Variants in L3MBTL4 observed in about 807,000 individuals in gnomAD.
The protein encoded by L3MBTL4 is L3MBTL histone methyl-lysine binding protein 4, also known as lethal(3)malignant brain tumor-like protein 4.
In L3MBTL4, 70 loss-of-function variants were observed where a neutral mutation model predicts 84.5. The ratio of observed to expected loss-of-function variants is 0.83; its 90% CI spans 0.68 to 1.01. The LOEUF (loss-of-function observed/expected upper bound fraction) is 1.01. L3MBTL4 is among the 50% of genes least tolerant of loss of function. The pLI is 0.00. For synonymous variants in L3MBTL4, 274 were observed against 259.8 expected (o/e 1.05, Z -0.52); for missense variants, 715 against 754.8 (o/e 0.95, Z 0.62).
chr18:6,317,168 A>G (rs1205603517), intron 1 of L3MBTL4, among the ~76,000 whole-genome samples: 1 of 152,136 alleles, frequency 6.6e-6, no homozygotes, highest in Non-Finnish European at 1.5e-5. Flanking sequence ...AAGATTCACT[A>G]TAACCAAGGA....
chr18:5,964,450 G>A (rs1172222606), intron 17 of L3MBTL4, among the ~76,000 whole-genome samples: 2 of 152,062 alleles, frequency 1.3e-5, no homozygotes, highest in African/African-American at 2.4e-5. Flanking sequence ...CTGGCTAATC[G>A]TCCACTGGGG....
intron 1 of L3MBTL4, among the ~76,000 whole-genome samples, chr18:6,368,285 TG>T (rs1384169622): frequency 6.6e-6 from 1 of 151,916 alleles, no homozygotes; most frequent in Non-Finnish European, 1.5e-5. Context: ...TAAAAATACT[TG>T]GGGTGCGAGC....
intron 5 of L3MBTL4, among the ~76,000 whole-genome samples, chr18:6,258,053 AC>A (rs2048230818): frequency 6.6e-6 from 1 of 152,234 alleles, no homozygotes; most frequent in African/African-American, 2.4e-5. Flanking sequence ...GATGCAGAGC[AC>A]AGGTGCAGGA....
intron 1 of L3MBTL4, among the ~76,000 whole-genome samples, chr18:6,365,611 T>A (rs1195353926): frequency 1.3e-5 from 2 of 152,094 alleles, no homozygotes; most frequent in Non-Finnish European, 2.9e-5. Context: ...ACATTCCAGA[T>A]AAGAAAAACA....
intron 1 of L3MBTL4, among the ~76,000 whole-genome samples, chr18:6,322,916 G>A (rs2051503509): frequency 6.6e-6 from 1 of 152,160 alleles, no homozygotes; most frequent in African/African-American, 2.4e-5. Context: ...TGTTGGAGGT[G>A]GGGCCTTGTG....
intron 16 of L3MBTL4, among the ~76,000 whole-genome samples, chr18:6,011,483 G>A (rs967418433): frequency 1.3e-5 from 2 of 152,136 alleles, no homozygotes; most frequent in Non-Finnish European, 2.9e-5. Flanking sequence ...TCAGTCTGTG[G>A]TATTAATCGA....
chr18:5,996,424 G>A (rs536868658), intron 16 of L3MBTL4, among the ~76,000 whole-genome samples: 5 of 152,274 alleles, frequency 3.3e-5, no homozygotes, highest in Admixed American at 6.5e-5. Flanking sequence ...TGAGCTGTAC[G>A]TTTTTGTTTT....
At chr18:6,090,599 CACA>C (rs1568102188) in intron 15 of L3MBTL4, among the ~76,000 whole-genome samples, 1 of 135,268 alleles carries the variant, frequency 7.4e-6, no homozygotes, top group African/African-American at 3.4e-5. Context: ...TATATACACA[CACA>C]CACACACACA....
rs532268834 is a variant in L3MBTL4, at chr18:5,966,932, CT to C, written c.1614+2460del. Among the ~76,000 whole-genome samples, 592 of 152,304 alleles carry C rather than the reference CT, an allele frequency of 3.9e-3. 8 individuals carry two copies. The highest frequency in any genetic ancestry group is 0.013 in the African/African-American group (547 of 41,556). On this transcript the variant is annotated intron_variant, in intron 17 of 18. Transcript: ENST00000317931. The stretch of plus-strand genomic sequence containing the variant: ...TACCTCCCTGTGCTACTGCCTGTGC[CT>C]TTGAAATGTCTATTGAATCTGAGTT...
intron 16 of L3MBTL4, among the ~76,000 whole-genome samples, chr18:5,976,305 G>A (rs865773860): frequency 6.6e-6 from 1 of 152,174 alleles, no homozygotes; most frequent in Non-Finnish European, 1.5e-5. Context: ...AGAATATGTC[G>A]TCAAAACTAA....
At chr18:6,150,356 A>G (rs534536736) in intron 13 of L3MBTL4, among the ~76,000 whole-genome samples, 2 of 152,208 alleles carry the variant, frequency 1.3e-5, no homozygotes, top group African/African-American at 2.4e-5. Flanking sequence ...GGCCACATTA[A>G]AAGTTCTCAT....
chr18:6,144,859 A>T (rs1278390697), intron 13 of L3MBTL4, among the ~76,000 whole-genome samples: 1 of 152,224 alleles, frequency 6.6e-6, no homozygotes, highest in Middle Eastern at 3.2e-3. Context: ...ATGAGATGAT[A>T]AGCACAGAGA....
intron 1 of L3MBTL4, among the ~76,000 whole-genome samples, chr18:6,313,450 C>T (rs142739796): frequency 0.011 from 1,631 of 152,314 alleles, 14 homozygotes; most frequent in Middle Eastern, 0.037. Context: ...CCTTTTGCTT[C>T]TAGTCAGATG....
intron 16 of L3MBTL4, among the ~76,000 whole-genome samples, chr18:6,049,713 T>C (rs768663193): frequency 6.6e-6 from 1 of 151,934 alleles, no homozygotes; most frequent in Non-Finnish European, 1.5e-5. Flanking sequence ...TGGAAACTAA[T>C]AGAGGGAGGA....
intron 16 of L3MBTL4, among the ~76,000 whole-genome samples, chr18:5,976,188 G>A (rs2052921796): frequency 1.3e-5 from 2 of 152,152 alleles, no homozygotes; most frequent in East Asian, 1.9e-4. Flanking sequence ...GTACCTCCTG[G>A]ATTTTGATCA....
intron 16 of L3MBTL4, among the ~76,000 whole-genome samples, chr18:5,972,311 C>T (rs2052676256): frequency 1.3e-5 from 2 of 152,116 alleles, no homozygotes; most frequent in East Asian, 1.9e-4. Flanking sequence ...CTTTTGAAAA[C>T]TCATAAAGAC....
chr18:5,976,094 C>T (rs2052914710), intron 16 of L3MBTL4, among the ~76,000 whole-genome samples: 1 of 152,158 alleles, frequency 6.6e-6, no homozygotes, highest in South Asian at 2.1e-4. Context: ...ATGCCCCACA[C>T]CTGTGTACTA....
intron 17 of L3MBTL4, among the ~76,000 whole-genome samples, chr18:5,965,286 GC>G (rs2052291191): frequency 6.6e-6 from 1 of 152,178 alleles, no homozygotes; most frequent in Non-Finnish European, 1.5e-5. Context: ...TGTTACAAAG[GC>G]CCTGCGCTAG....
intron 18 of L3MBTL4, among the ~76,000 whole-genome samples, chr18:5,958,328 A>G (rs996612785): frequency 1.3e-5 from 2 of 152,124 alleles, no homozygotes; most frequent in African/African-American, 2.4e-5. Flanking sequence ...TCTGATAAGG[A>G]CTCATCCATC....
Sources: gnomAD v4.1 joint callset for allele counts (sites outside exome capture counted in the v4.1 genomes callset) on GRCh38, gnomAD v4.1.1 for gene constraint, MANE v1.5 for transcripts, NCBI Gene and HGNC (gene_info 2026-07-23, HGNC 2026-07-21) for gene names.